USH2A: variants seen among roughly 807,000 people sequenced by gnomAD.
USH2A encodes usherin, also known as Usher syndrome 2A (autosomal recessive, mild).
In USH2A, 443 loss-of-function variants were observed where a neutral mutation model predicts 538.9. The observed-to-expected ratio is 0.82, with a 90% CI of 0.76 to 0.89. USH2A has a LOEUF of 0.89. Among genes scored for constraint, USH2A ranks in the 40% least tolerant of loss-of-function variants. The pLI is 0.00. For synonymous variants in USH2A, 2,413 were observed against 2,273.5 expected, an observed-to-expected ratio of 1.06 and a Z score of -1.75; for missense variants, 6,633 against 6,324.8, an observed-to-expected ratio of 1.05 and a Z score of -1.65.
chr1:216,115,189 T>C (rs1344171865), intron 21 of USH2A, among the ~76,000 whole-genome samples: 1 of 152,172 alleles, frequency 6.6e-6, no homozygotes, highest in Non-Finnish European at 1.5e-5. Flanking sequence ...TTGAGTGTAG[T>C]GGCGTGATCA....
chr1:216,079,572 G>C (rs1295586001), intron 26 of USH2A, among the ~76,000 whole-genome samples: 1 of 152,094 alleles, frequency 6.6e-6, no homozygotes, highest in Non-Finnish European at 1.5e-5. Context: ...AGGTGAGGTA[G>C]TGTCTTGCCA....
At chr1:216,415,669 C>A (rs934860704) in intron 3 of USH2A, among the ~76,000 whole-genome samples, 133 of 151,982 alleles carry the variant, frequency 8.8e-4, no homozygotes, top group African/African-American at 3.1e-3. Flanking sequence ...TACAGACACG[C>A]ACCATCACAC....
At chr1:215,930,333 T>C (rs1354796336) in intron 38 of USH2A, among the ~76,000 whole-genome samples, 1 of 152,006 alleles carries the variant, frequency 6.6e-6, no homozygotes, top group Non-Finnish European at 1.5e-5. Context: ...GCTTCTTCTG[T>C]CTCTTTTAGC....
intron 32 of USH2A, among the ~76,000 whole-genome samples, chr1:216,035,630 A>G (rs1195521205): frequency 6.6e-6 from 1 of 152,198 alleles, no homozygotes; most frequent in Non-Finnish European, 1.5e-5. Flanking sequence ...TATTTGCTAT[A>G]TATTGGATGA....
chr1:216,024,567 A>T (rs1011130327), intron 32 of USH2A, among the ~76,000 whole-genome samples: 2 of 152,064 alleles, frequency 1.3e-5, no homozygotes, highest in Admixed American at 6.5e-5. Context: ...TCCAGTATAG[A>T]TTTTTTCAAC....
rs1443495089 is a variant in USH2A, at chr1:216,232,012, A to G, written c.2934T>C (p.Ala978=). The change falls in exon 14 of 72, where the codon GCT becomes GCC. Residue 978 remains alanine, a synonymous_variant. Coordinates refer to ENST00000307340, the MANE Select transcript of USH2A (RefSeq NM_206933.4). ...CTTTGCATTGGTCACAACGTTGCCC[A>G]GCAATGGAAGCATCTTGGCAAACAC... ...GQCVCQDASI[A]GQRCDQCKDH... 6.2e-7 allele frequency: 1 copy of G among 1,613,974 alleles called. No individual in the cohort carries two copies. The highest frequency in any genetic ancestry group is 8.5e-7 in the Non-Finnish European group (1 of 1,179,940).
intron 38 of USH2A, among the ~76,000 whole-genome samples, chr1:215,906,890 C>T (rs949466076): frequency 1.3e-5 from 2 of 151,978 alleles, no homozygotes; most frequent in African/African-American, 4.8e-5. Flanking sequence ...AAAAACAAAA[C>T]AACAGAATCT....
intron 12 of USH2A, among the ~76,000 whole-genome samples, chr1:216,249,800 A>G (rs991610709): frequency 6.6e-6 from 1 of 152,240 alleles, no homozygotes; most frequent in Admixed American, 6.5e-5. Flanking sequence ...ATTTAGAGGT[A>G]TATCACAGAA....
chr1:216,097,633 T>C (rs185524750), intron 21 of USH2A, among the ~76,000 whole-genome samples: 197 of 152,278 alleles, frequency 1.3e-3, no homozygotes, highest in African/African-American at 4.6e-3. Flanking sequence ...GGTTCAGTAA[T>C]AGAAGTTAAT....
At chr1:215,662,686 G>A (rs747818586) in intron 64 of USH2A, among the ~76,000 whole-genome samples, 9 of 152,134 alleles carry the variant, frequency 5.9e-5, no homozygotes, top group African/African-American at 9.7e-5. Context: ...AGGCCCTAAA[G>A]TTTTAGAATA....
At chr1:216,414,484 T>G (rs977404471) in intron 3 of USH2A, among the ~76,000 whole-genome samples, 83 of 152,200 alleles carry the variant, frequency 5.5e-4, no homozygotes, top group African/African-American at 2.0e-3. Context: ...CTGACATCTT[T>G]TCCCCCAGAT....
At chr1:215,813,351 G>A (rs1475616794) in intron 49 of USH2A, among the ~76,000 whole-genome samples, 1 of 152,128 alleles carries the variant, frequency 6.6e-6, no homozygotes, top group Non-Finnish European at 1.5e-5. Context: ...CAATGCATGT[G>A]TAGTTCAGAT....
At chr1:215,967,446 T>C (rs1205270917) in intron 36 of USH2A, among the ~76,000 whole-genome samples, 1 of 152,132 alleles carries the variant, frequency 6.6e-6, no homozygotes, top group Non-Finnish European at 1.5e-5. Context: ...GGATTACAGG[T>C]GTGAGCCACC....
intron 46 of USH2A, among the ~76,000 whole-genome samples, chr1:215,838,718 A>C (rs1042182293): frequency 6.6e-6 from 1 of 152,172 alleles, no homozygotes. Flanking sequence ...GAATAACTGA[A>C]GATTAGAAAT....
intron 4 of USH2A, among the ~76,000 whole-genome samples, chr1:216,360,051 T>C (rs1283487499): frequency 6.6e-6 from 1 of 152,106 alleles, no homozygotes; most frequent in Non-Finnish European, 1.5e-5. Context: ...GATCCAGTAA[T>C]TGCGCTCTTT....
In USH2A at chr1:215,786,693, C is replaced by T; in HGVS notation, c.10364G>A (p.Ser3455Asn). The T allele has an allele frequency of 1.2e-6, 2 of 1,614,026 alleles. No homozygotes were observed. Among genetic ancestry groups the T allele is most frequent in the Non-Finnish European group, 1.7e-6 (2 of 1,179,928 alleles). The stretch of plus-strand genomic sequence containing the variant: ...ACCTGTGTAAGAGTACGTGTTTACA[C>T]TCCCTGTATGAATGGTTTCTTCGGC... ...SSAEETIHTG[S>N]VNTYSYTDVN... The change falls in exon 52 of 72, where the codon AGT becomes AAT. Residue 3455 changes from serine to asparagine, a missense_variant. Transcript: ENST00000307340.
At chr1:216,050,604 C>CTTTCTTTCT (rs1195871302) in intron 30 of USH2A, among the ~76,000 whole-genome samples, 1,094 of 68,634 alleles carry the variant, frequency 0.016, 81 homozygotes, top group African/African-American at 0.045. Context: ...TTCTTTCTTT[C>CTTTCTTTCT]TTTTTTTTTT....
intron 64 of USH2A, among the ~76,000 whole-genome samples, chr1:215,651,692 C>T (rs1657084775): frequency 6.7e-6 from 1 of 149,030 alleles, no homozygotes; most frequent in Admixed American, 6.7e-5. Context: ...GCAGAATGTT[C>T]AAAATAGGAG....
chr1:216,336,975 T>C (rs2037986534), intron 4 of USH2A, among the ~76,000 whole-genome samples: 1 of 151,346 alleles, frequency 6.6e-6, no homozygotes, highest in Non-Finnish European at 1.5e-5. Context: ...CAGATTTCCT[T>C]AGGAACAAGG....
Sources: gnomAD v4.1 joint callset for allele counts (sites outside exome capture counted in the v4.1 genomes callset) on GRCh38, gnomAD v4.1.1 for gene constraint, MANE v1.5 for transcripts, NCBI Gene and HGNC (gene_info 2026-07-23, HGNC 2026-07-21) for gene names.